Variants in XYLT1 observed in about 807,000 individuals in gnomAD.
XYLT1 encodes beta-D-xylosyltransferase 1.
XYLT1 carries 36 observed loss-of-function variants against 91.3 expected under a neutral mutation model. The ratio of observed to expected loss-of-function variants is 0.39; its 90% CI spans 0.30 to 0.52. The LOEUF is 0.52. XYLT1 is among the 20% of genes least tolerant of loss of function. XYLT1 has a pLI of 0.68. For missense variants in XYLT1, 1,242 were observed against 1,284.5 expected, an observed-to-expected ratio of 0.97 and a Z score of 0.51; for synonymous variants, 588 against 532.0, an observed-to-expected ratio of 1.11 and a Z score of -1.45.
At chr16:17,123,428 A>G (rs2030142530) in intron 10 of XYLT1, among the ~76,000 whole-genome samples, 1 of 152,184 alleles carries the variant, frequency 6.6e-6, no homozygotes, top group African/African-American at 2.4e-5. Flanking sequence ...GCTGTATCCC[A>G]GAAGTGTTGA....
At chr16:17,168,602 T>C (rs950457547) in intron 5 of XYLT1, among the ~76,000 whole-genome samples, 4 of 151,988 alleles carry the variant, frequency 2.6e-5, no homozygotes, top group Non-Finnish European at 4.4e-5. Context: ...AAGGTGACTT[T>C]TTTTTTTAAA....
At chr16:17,277,609 C>T (rs1036337139) in intron 2 of XYLT1, among the ~76,000 whole-genome samples, 1 of 151,996 alleles carries the variant, frequency 6.6e-6, no homozygotes, top group African/African-American at 2.4e-5. Context: ...AGGCTGTTCT[C>T]GAACTCCTGA....
intron 10 of XYLT1, among the ~76,000 whole-genome samples, chr16:17,121,093 C>G (rs1474127107): frequency 6.6e-6 from 1 of 152,168 alleles, no homozygotes; most frequent in African/African-American, 2.4e-5. Flanking sequence ...ATGGACTTCC[C>G]TCCATGCACT....
intron 2 of XYLT1, among the ~76,000 whole-genome samples, chr16:17,329,588 A>G (rs1306450646): frequency 1.3e-5 from 2 of 152,192 alleles, no homozygotes; most frequent in Non-Finnish European, 2.9e-5. Context: ...TGGTAGACAG[A>G]CATCACTAAC....
intron 3 of XYLT1, among the ~76,000 whole-genome samples, chr16:17,239,382 T>G: frequency 7.2e-6 from 1 of 138,310 alleles, no homozygotes. Flanking sequence ...ATTCATCCCA[T>G]TCATCCATCC....
chr16:17,269,797 T>TATTATTATTATTATTATG (rs2033859451), intron 2 of XYLT1, among the ~76,000 whole-genome samples: 1 of 148,762 alleles, frequency 6.7e-6, no homozygotes, highest in African/African-American at 2.5e-5. Context: ...CTCCCTTTAT[T>TATTATTATTATTATTATG]ATTATTATTA....
intron 1 of XYLT1, among the ~76,000 whole-genome samples, chr16:17,408,850 A>G (rs183743583): frequency 1.2e-4 from 19 of 152,302 alleles, no homozygotes; most frequent in Admixed American, 9.1e-4. Context: ...CTCCATCTCA[A>G]AAAACAAAAC....
At chr16:17,335,369 G>A (rs868151988) in intron 2 of XYLT1, among the ~76,000 whole-genome samples, 1 of 152,058 alleles carries the variant, frequency 6.6e-6, no homozygotes, top group South Asian at 2.1e-4. Context: ...GCTCCCACAG[G>A]AACTGCAGAA....
At chr16:17,290,226 A>C (rs938636908) in intron 2 of XYLT1, among the ~76,000 whole-genome samples, 4 of 152,262 alleles carry the variant, frequency 2.6e-5, no homozygotes, top group Admixed American at 6.5e-5. Flanking sequence ...TCAACCAAGG[A>C]AAGTTAGGGT....
At chr16:17,402,733 T>C (rs897750660) in intron 1 of XYLT1, among the ~76,000 whole-genome samples, 1 of 147,694 alleles carries the variant, frequency 6.8e-6, no homozygotes, top group Non-Finnish European at 1.5e-5. Context: ...TATATCCTTT[T>C]TTTTCTTTTC....
intron 1 of XYLT1, among the ~76,000 whole-genome samples, chr16:17,443,962 A>ACCCACTGACCCCTCTTCCTTTCC (rs1205439164): frequency 6.6e-6 from 1 of 151,876 alleles, no homozygotes; most frequent in Admixed American, 6.6e-5. Flanking sequence ...CCATATTTTC[A>ACCCACTGACCCCTCTTCCTTTCC]CCCACTGACC....
intron 1 of XYLT1, among the ~76,000 whole-genome samples, chr16:17,447,092 C>A (rs895767608): frequency 1.3e-5 from 2 of 151,456 alleles, no homozygotes; most frequent in Non-Finnish European, 1.5e-5. Flanking sequence ...TTATTCACGA[C>A]CTCGCTTCCC....
chr16:17,461,359 G>C (rs1340584073), intron 1 of XYLT1, among the ~76,000 whole-genome samples: 1 of 152,248 alleles, frequency 6.6e-6, no homozygotes, highest in East Asian at 1.9e-4. Context: ...GGATGTGAGA[G>C]TGATCTCCCT....
rs569650905 is a variant in XYLT1, at chr16:17,432,060, A to T, written c.363+38374T>A. Among the ~76,000 whole-genome samples, 3 of 152,160 alleles carry T rather than the reference A, an allele frequency of 2.0e-5. No homozygotes were observed. The East Asian group carries it at 5.8e-4, about 29-fold the overall frequency. ...ACAGCGGTATTTAATAAACCTCTTC[A>T]CCATCCAGTTTATAAGAAGATAAAA... On this transcript the variant is annotated intron_variant, in intron 1 of 11. Transcript: ENST00000261381.
At chr16:17,245,366 C>A (rs1390141087) in intron 3 of XYLT1, among the ~76,000 whole-genome samples, 1 of 152,206 alleles carries the variant, frequency 6.6e-6, no homozygotes, top group East Asian at 1.9e-4. Flanking sequence ...AGGTTTCTCA[C>A]TCTATCCATG....
chr16:17,169,038 G>A (rs1231961143), intron 5 of XYLT1, among the ~76,000 whole-genome samples: 2 of 152,178 alleles, frequency 1.3e-5, no homozygotes, highest in Non-Finnish European at 2.9e-5. Context: ...GGTCTCCTGG[G>A]AAAAATATGA....
At chr16:17,123,640 A>G (rs772023754) in intron 10 of XYLT1, among the ~76,000 whole-genome samples, 6 of 152,206 alleles carry the variant, frequency 3.9e-5, no homozygotes, top group Non-Finnish European at 5.9e-5. Context: ...AACAGCATGT[A>G]TATTCTGCAG....
chr16:17,238,719 C>T (rs750957076), intron 3 of XYLT1, among the ~76,000 whole-genome samples: 34 of 152,234 alleles, frequency 2.2e-4, no homozygotes, highest in South Asian at 1.0e-3. Flanking sequence ...CTATCCCTTC[C>T]GCCTTCTGGC....
intron 5 of XYLT1, among the ~76,000 whole-genome samples, chr16:17,160,707 T>A (rs142028302): frequency 6.6e-4 from 101 of 152,280 alleles, no homozygotes; most frequent in African/African-American, 2.3e-3. Context: ...GTCCCTACAA[T>A]GGTGCATCTC....
Sources: allele counts gnomAD v4.1 joint callset (sites outside exome capture counted in the v4.1 genomes callset), GRCh38; gene constraint gnomAD v4.1.1; transcripts MANE v1.5; gene names NCBI Gene and HGNC (gene_info 2026-07-23, HGNC 2026-07-21).